CSMD1: variants seen among roughly 807,000 people sequenced by gnomAD.
CSMD1 encodes the protein CUB and Sushi multiple domains 1.
CSMD1 carries 213 observed loss-of-function variants against 417.5 expected under a neutral mutation model. That is an observed-to-expected ratio of 0.51 (90% CI 0.46 to 0.57). The LOEUF (loss-of-function observed/expected upper bound fraction) is 0.57, where lower values mean the gene tolerates loss of function less well. Ranked by LOEUF, CSMD1 falls within the 20% of genes least tolerant of loss-of-function variation. The probability of loss-of-function intolerance (pLI) is 0.00; values close to 1 mark genes in which losing one functional copy is unlikely to be tolerated. For missense variants in CSMD1, 6,923 were observed against 4,529.7 expected (o/e 1.53, Z -15.17); for synonymous variants, 2,862 against 1,736.8 (o/e 1.65, Z -16.11).
chr8:4,121,747 G>C (rs1290240204), intron 3 of CSMD1, among the ~76,000 whole-genome samples: 1 of 151,874 alleles, frequency 6.6e-6, no homozygotes. Flanking sequence ...GGATAAAACA[G>C]CATTAATTTG....
At chr8:3,234,621 C>T (rs1799041966) in intron 26 of CSMD1, among the ~76,000 whole-genome samples, 2 of 152,186 alleles carry the variant, frequency 1.3e-5, no homozygotes, top group South Asian at 2.1e-4. Context: ...AAGACTGGAA[C>T]ACAGGGAAAT....
chr8:4,126,406 C>T (rs1419245618), intron 3 of CSMD1, among the ~76,000 whole-genome samples: 1 of 152,186 alleles, frequency 6.6e-6, no homozygotes, highest in African/African-American at 2.4e-5. Context: ...GCCAAACACC[C>T]ATCACAGGAC....
chr8:3,816,885 C>A (rs1801397407), intron 5 of CSMD1, among the ~76,000 whole-genome samples: 1 of 152,144 alleles, frequency 6.6e-6, no homozygotes, highest in African/African-American at 2.4e-5. Context: ...CTATATATTT[C>A]ACTTTCCACA....
At chr8:4,824,429 C>T (rs1038218958) in intron 1 of CSMD1, among the ~76,000 whole-genome samples, 3 of 151,868 alleles carry the variant, frequency 2.0e-5, no homozygotes, top group African/African-American at 7.3e-5. Context: ...CATGTGGTTC[C>T]GGGTAGAAAA....
chr8:4,082,012 T>C (rs933001517), intron 3 of CSMD1, among the ~76,000 whole-genome samples: 2 of 152,040 alleles, frequency 1.3e-5, no homozygotes, highest in East Asian at 1.9e-4. Flanking sequence ...ATATATAAAA[T>C]TTTAAAAGGC....
intron 9 of CSMD1, among the ~76,000 whole-genome samples, chr8:3,575,857 T>A (rs200142720): frequency 2.3e-4 from 32 of 141,360 alleles, no homozygotes; most frequent in East Asian, 2.3e-3. Flanking sequence ...TTTTTTTTTT[T>A]AAATCAATAC....
intron 17 of CSMD1, among the ~76,000 whole-genome samples, chr8:3,390,649 A>C (rs560328467): frequency 9.3e-4 from 140 of 150,862 alleles, no homozygotes; most frequent in African/African-American, 3.1e-3. Context: ...AATAGTTACA[A>C]ACATTACTTT....
chr8:4,004,299 T>A (rs578009883), intron 4 of CSMD1, among the ~76,000 whole-genome samples: 1 of 152,210 alleles, frequency 6.6e-6, no homozygotes, highest in South Asian at 2.1e-4. Flanking sequence ...AACTTGGGAA[T>A]TCTTAATCAT....
At chr8:2,976,482 A>G (rs1343677886) in intron 55 of CSMD1, among the ~76,000 whole-genome samples, 1 of 152,084 alleles carries the variant, frequency 6.6e-6, no homozygotes, top group Non-Finnish European at 1.5e-5. Context: ...ATGTGCTGGG[A>G]CTATAGGCAT....
chr8:3,539,345 T>C (rs764759429), intron 10 of CSMD1, among the ~76,000 whole-genome samples: 9 of 152,220 alleles, frequency 5.9e-5, no homozygotes, highest in Non-Finnish European at 1.2e-4. Flanking sequence ...TACTCCTGGT[T>C]TTGCCTTCTG....
At chr8:4,942,223 G>T (rs1010894998) in intron 1 of CSMD1, among the ~76,000 whole-genome samples, 1 of 151,888 alleles carries the variant, frequency 6.6e-6, no homozygotes, top group African/African-American at 2.4e-5. Flanking sequence ...TATAAACCAG[G>T]CTTCACTCTT....
chr8:3,369,791 T>A (rs533570887), intron 18 of CSMD1, among the ~76,000 whole-genome samples: 2 of 152,338 alleles, frequency 1.3e-5, no homozygotes, highest in Non-Finnish European at 2.9e-5. Flanking sequence ...AAGTTTTATG[T>A]AATCATTTCA....
chr8:4,698,952 G>A (rs989467906), intron 1 of CSMD1, among the ~76,000 whole-genome samples: 9 of 148,564 alleles, frequency 6.1e-5, no homozygotes, highest in Admixed American at 2.7e-4. Flanking sequence ...CAATTTCACC[G>A]TCGAACGAAC....
At chr8:4,172,109 A>T (rs1308607224) in intron 3 of CSMD1, among the ~76,000 whole-genome samples, 1 of 152,174 alleles carries the variant, frequency 6.6e-6, no homozygotes, top group African/African-American at 2.4e-5. Context: ...TATCATGCGG[A>T]TCATTTCAGT....
At chr8:2,981,493 C>G (rs13272645) in intron 54 of CSMD1, among the ~76,000 whole-genome samples, 1 of 152,210 alleles carries the variant, frequency 6.6e-6, no homozygotes, top group African/African-American at 2.4e-5. Context: ...AAGAGGCTCA[C>G]TCTAGACGGC....
intron 8 of CSMD1, among the ~76,000 whole-genome samples, chr8:3,589,371 G>T (rs1039491421): frequency 9.1e-6 from 1 of 109,462 alleles, no homozygotes; most frequent in African/African-American, 3.6e-5. Context: ...AATGGATAAA[G>T]AAAATGTGGT....
chr8:4,583,248 T>A (rs368114282), intron 2 of CSMD1, among the ~76,000 whole-genome samples: 1 of 152,200 alleles, frequency 6.6e-6, no homozygotes, highest in African/African-American at 2.4e-5. Context: ...CAGCTCCACC[T>A]GCAGCCGTGG....
Position 2,998,142 on chromosome 8 carries a change from G to A in CSMD1, c.8246C>T (p.Thr2749Ile). The change falls in exon 54 of 70, where the codon ACT becomes ATT. Residue 2749 changes from threonine to isoleucine, a missense_variant. Transcript: ENST00000635120. ...ATTCAGGTTGAACTCACTGCCATTA[G>A]TGAATCCGTGGGCAGGGTTTCCAGG... ...GHPGNPAHGF[T>I]NGSEFNLNDV... The A allele has an allele frequency of 6.2e-7, 1 of 1,614,038 alleles. No homozygotes were observed. The highest frequency in any genetic ancestry group is 8.5e-7 in the Non-Finnish European group (1 of 1,179,878).
rs79878647 is a variant in CSMD1 at position 4,489,832 on chromosome 8, T to G, written c.303-69767A>C. On this transcript the variant is annotated intron_variant, in intron 2 of 69. Coordinates refer to ENST00000635120, the MANE Select transcript of CSMD1 (RefSeq NM_033225.6). ...AACATAGTCAGGCTGCCACCTGACT[T>G]GCAGCCTTGTGAGGTCGTAAGCAGG... Among the ~76,000 whole-genome samples, 578 of 152,274 alleles carry G rather than the reference T, an allele frequency of 3.8e-3. 3 individuals carry two copies. Among genetic ancestry groups the G allele is most frequent in the African/African-American group, 0.013 (555 of 41,562 alleles).
Sources: gnomAD v4.1 joint callset for allele counts (sites outside exome capture counted in the v4.1 genomes callset) on GRCh38, gnomAD v4.1.1 for gene constraint, MANE v1.5 for transcripts, NCBI Gene and HGNC (gene_info 2026-07-23, HGNC 2026-07-21) for gene names.